EIF2S3B: variants seen among roughly 807,000 people sequenced by gnomAD.
EIF2S3B encodes eukaryotic translation initiation factor 2 subunit 3B.
Under a neutral mutation model 26.4 loss-of-function variants are expected in EIF2S3B, and 16 were observed. That is an observed-to-expected ratio of 0.61 (90% CI 0.41 to 0.92). The LOEUF (loss-of-function observed/expected upper bound fraction) is 0.92, where lower values mean the gene tolerates loss of function less well. EIF2S3B is among the 40% of genes least tolerant of loss of function. The probability of loss-of-function intolerance (pLI) is 0.00; values close to 1 mark genes in which losing one functional copy is unlikely to be tolerated. For synonymous variants in EIF2S3B, 183 were observed against 204.4 expected, an observed-to-expected ratio of 0.90 and a Z score of 0.89; for missense variants, 510 against 575.5, an observed-to-expected ratio of 0.89 and a Z score of 1.16.
chr12:10,508,883 G>A (rs1591633705), downstream of EIF2S3B, among the ~76,000 whole-genome samples: 1 of 152,000 alleles, frequency 6.6e-6, no homozygotes, highest in African/African-American at 2.4e-5. Flanking sequence ...TAGAAAAGTT[G>A]TTAAAATCTC....
At position 10,507,573 on chromosome 12, in the gene EIF2S3B, T is replaced by A. The variant is rs2137941998; in HGVS notation, c.*252T>A. 1.7e-6 allele frequency: 1 copy of A among 585,114 alleles called. No individual in the cohort carries two copies. Among genetic ancestry groups the A allele is most frequent in the East Asian group, 2.8e-5 (1 of 35,614 alleles). The allele number at this position is 585,114 out of a possible 1,614,324, so 36.2% of individuals were successfully genotyped here. The stretch of plus-strand genomic sequence containing the variant: ...AGAAGTTAAGCATTCCCACATAATG[T>A]CAAAATTATACATTATGCAGTTTTT... On this transcript the variant is annotated 3_prime_UTR_variant, in exon 1 of 1. Transcript: ENST00000538173.
rs568311914 is a variant in EIF2S3B at position 10,517,989 on chromosome 12, T to C, written c.1309-4614T>C. Among the ~76,000 whole-genome samples the C allele has an allele frequency of 2.6e-5, 4 of 152,072 alleles. No individual in the cohort carries two copies. In the East Asian group the frequency reaches 7.7e-4, roughly 29 times the overall value. On this transcript the variant is annotated intron_variant, in intron 1 of 1. Transcript: ENST00000322446. Reference sequence around the variant, plus strand: ...TGGTCTGAGAGACAGTTTGTTATAATTTCTGTTCTTTTACATTTGCTGAGG... The same window carrying C: ...TGGTCTGAGAGACAGTTTGTTATAACTTCTGTTCTTTTACATTTGCTGAGG...
chr12:10,517,362 T>G (rs1430696802), intron 1 of EIF2S3B, among the ~76,000 whole-genome samples: 2 of 150,490 alleles, frequency 1.3e-5, no homozygotes, highest in African/African-American at 2.4e-5. Flanking sequence ...GTCGAGGAAT[T>G]TATCCATTTC....
chr12:10,521,633 A>C (rs1380509503), intron 1 of EIF2S3B, among the ~76,000 whole-genome samples: 2 of 152,198 alleles, frequency 1.3e-5, no homozygotes, highest in African/African-American at 4.8e-5. Context: ...AAGAAAAAGA[A>C]TCTGAATCAA....
chr12:10,516,322 G>A (rs576104632), intron 1 of EIF2S3B, among the ~76,000 whole-genome samples: 3 of 151,844 alleles, frequency 2.0e-5, no homozygotes, highest in African/African-American at 7.2e-5. Flanking sequence ...TGCATATATC[G>A]TAAGCCTGCA....
chr12:10,520,188 T>G (rs1170076031), intron 1 of EIF2S3B, among the ~76,000 whole-genome samples: 4 of 151,572 alleles, frequency 2.6e-5, no homozygotes, highest in African/African-American at 9.7e-5. Flanking sequence ...CCATAAAAAA[T>G]GAAGAGTTCA....
chr12:10,518,124 G>A (rs1349670944), intron 1 of EIF2S3B, among the ~76,000 whole-genome samples: 3 of 151,986 alleles, frequency 2.0e-5, no homozygotes, highest in African/African-American at 7.3e-5. Flanking sequence ...ATGTCTATTA[G>A]GTCCACTTGG....
intron 1 of EIF2S3B, among the ~76,000 whole-genome samples, chr12:10,515,709 T>G (rs760262030): frequency 7.2e-5 from 11 of 151,880 alleles, no homozygotes; most frequent in Non-Finnish European, 1.6e-4. Flanking sequence ...AATCAAAGAT[T>G]CTCCCAACTC....
chr12:10,522,843 C>G, exon 2 of EIF2S3B: 1 of 521,768 alleles, frequency 1.9e-6, no homozygotes, highest in Non-Finnish European at 3.4e-6. Flanking sequence ...AATCTTATTG[C>G]AACATGTTTA....
intron 1 of EIF2S3B, among the ~76,000 whole-genome samples, chr12:10,514,019 AAGAT>A (rs773538505): frequency 2.0e-5 from 3 of 152,224 alleles, no homozygotes; most frequent in Non-Finnish European, 2.9e-5. Flanking sequence ...CATCTCAAAA[AAGAT>A]AAATAAATAA....
At chr12:10,512,354 C>T (rs1864713248), downstream of EIF2S3B, among the ~76,000 whole-genome samples, 1 of 152,120 alleles carries the variant, frequency 6.6e-6, no homozygotes, top group Non-Finnish European at 1.5e-5. Context: ...AAAAAAATCA[C>T]AAAACTGTAC....
chr12:10,510,943 TTACTC>T (rs1295118440), downstream of EIF2S3B, among the ~76,000 whole-genome samples: 1 of 152,130 alleles, frequency 6.6e-6, no homozygotes, highest in African/African-American at 2.4e-5. Context: ...GGAAGTAAAA[TTACTC>T]AAATCAATAT....
At chr12:10,510,488 G>GT (rs1411998315), downstream of EIF2S3B, among the ~76,000 whole-genome samples, 1 of 152,118 alleles carries the variant, frequency 6.6e-6, no homozygotes, top group East Asian at 1.9e-4. Context: ...TTGAAAAATA[G>GT]TAACACTTTT....
chr12:10,513,113 A>C (rs1468581351), downstream of EIF2S3B, among the ~76,000 whole-genome samples: 1 of 152,152 alleles, frequency 6.6e-6, no homozygotes, highest in Non-Finnish European at 1.5e-5. Context: ...ACCGAATCCT[A>C]TGTGATGAAT....
At chr12:10,518,559 G>T (rs574989096) in intron 1 of EIF2S3B, among the ~76,000 whole-genome samples, 14 of 152,082 alleles carry the variant, frequency 9.2e-5, no homozygotes, top group Admixed American at 7.9e-4. Context: ...TATCCAATTT[G>T]CCAGTCTGTG....
chr12:10,508,525 C>CAAAAAG (rs1864671333), downstream of EIF2S3B, among the ~76,000 whole-genome samples: 1 of 62,972 alleles, frequency 1.6e-5, no homozygotes, highest in Non-Finnish European at 2.9e-5. Context: ...TGTTAGAAAG[C>CAAAAAG]AAAAAAAAAA....
In EIF2S3B at chr12:10,506,724, T is replaced by C. The variant is rs758991597; in HGVS notation, c.822T>C (p.Leu274=). The part of the protein sequence containing the change: ...VNKPGCEVDD[L]KGGVAGGSIL... ...AACCTGGCTGTGAAGTTGATGACCT[T>C]AAGGGAGGTGTAGCTGGTGGTAGTA... Residue 274 remains leucine (L), a synonymous_variant, in exon 1 of 1, where the codon CTT becomes CTC. Coordinates refer to ENST00000538173, the MANE Select transcript of EIF2S3B (RefSeq NM_001357734.3). 11 of 1,613,898 alleles carry C rather than the reference T, an allele frequency of 6.8e-6. No individual in the cohort carries two copies. Among genetic ancestry groups the C allele is most frequent in the African/African-American group, 2.7e-5 (2 of 74,894 alleles).
chr12:10,516,402 C>T (rs1404202854), intron 1 of EIF2S3B, among the ~76,000 whole-genome samples: 5 of 151,912 alleles, frequency 3.3e-5, no homozygotes, highest in African/African-American at 9.7e-5. Flanking sequence ...AATCAAAAGG[C>T]AGAATATATA....
In EIF2S3B at chr12:10,506,289, T is replaced by A. The variant is rs1303422368; in HGVS notation, c.387T>A (p.His129Gln). ...AAGGGAACTTCAGATTAGTCAGACA[T>A]GTTTCCTTTGTTGACTGTCCTGGCC... is the stretch of plus-strand genomic sequence containing the variant. Reference protein sequence around the residue: ...GTKGNFRLVRHVSFVDCPGHD... With the variant: ...GTKGNFRLVRQVSFVDCPGHD... Residue 129 changes from histidine (H) to glutamine (Q), a missense_variant, in exon 1 of 1, where the codon CAT (histidine) becomes CAA (glutamine). Transcript: ENST00000538173. The A allele has an allele frequency of 6.2e-7, 1 of 1,614,062 alleles. No individual in the cohort carries two copies.
Sources: allele counts gnomAD v4.1 joint callset (sites outside exome capture counted in the v4.1 genomes callset), GRCh38; gene constraint gnomAD v4.1.1; transcripts MANE v1.5; gene names NCBI Gene and HGNC (gene_info 2026-07-23, HGNC 2026-07-21).